The following CFAP74 variants were observed in gnomAD, a reference collection of about 807,000 sequenced individuals.
The protein encoded by CFAP74 is cilia and flagella associated protein 74.
In CFAP74, 124 loss-of-function variants were observed where a neutral mutation model predicts 188.9. The ratio of observed to expected loss-of-function variants is 0.66; its 90% confidence interval spans 0.57 to 0.76. The LOEUF (loss-of-function observed/expected upper bound fraction) is 0.76, where lower values mean the gene tolerates loss of function less well. Among genes scored for constraint, CFAP74 ranks in the 30% least tolerant of loss-of-function variants. CFAP74 has a pLI of 0.00. For missense variants in CFAP74, 2,198 were observed against 2,165.2 expected, an observed-to-expected ratio of 1.02 and a Z score of -0.30; for synonymous variants, 956 against 916.7, an observed-to-expected ratio of 1.04 and a Z score of -0.77.
At position 1,930,015 on chromosome 1, in the gene CFAP74, C is replaced by T. The variant is rs572238331; in HGVS notation, c.3288+45G>A. On this transcript the variant is annotated intron_variant, in intron 26 of 38. Transcript: ENST00000682832. ...ACACCCCAGGGGTAAATGCAGGTGGCGTGGAGCTCCTGCTTCCCAGCCTGC... is the reference window on the plus strand; with the variant it reads ...ACACCCCAGGGGTAAATGCAGGTGGTGTGGAGCTCCTGCTTCCCAGCCTGC... 1.5e-4 allele frequency: 221 copies of T among 1,472,966 alleles called. No individual in the cohort carries two copies. The East Asian group carries it at 2.1e-3, about 14-fold the overall frequency. 91.2% of individuals were successfully genotyped at this position (1,472,966 alleles called of 1,614,324 possible). A position where few individuals can be genotyped will look rare whatever the true frequency, so the allele number is the denominator to read the frequency against.
chr1:1,995,958 C>CA (rs905300502), intron 1 of CFAP74, among the ~76,000 whole-genome samples: 19 of 151,406 alleles, frequency 1.3e-4, no homozygotes, highest in Admixed American at 6.6e-4. Flanking sequence ...CAAGAACAAC[C>CA]AAAAAAAATC....
intron 1 of CFAP74, among the ~76,000 whole-genome samples, chr1:1,994,557 C>G (rs72899758): frequency 0.05 from 7,655 of 152,264 alleles, 658 homozygotes; most frequent in African/African-American, 0.17. Context: ...CTTGAAAGAA[C>G]TGATTAAGCT....
chr1:1,960,140 G>C (rs546684890), intron 14 of CFAP74, 110 bp from the exon 15 acceptor site: 3 of 915,856 alleles, frequency 3.3e-6, no homozygotes, highest in Admixed American at 2.7e-5. Flanking sequence ...TCCCCATCCC[G>C]GGCCTGGCCC....
At chr1:1,927,242 G>T in intron 28 of CFAP74, 1 of 624,116 alleles carries the variant, frequency 1.6e-6, no homozygotes, top group African/African-American at 1.8e-5. Flanking sequence ...GGTGGCTGGA[G>T]GCTAGGGGTT....
At chr1:1,991,010 A>G in intron 1 of CFAP74, 35 bp from the exon 2 acceptor site, 1 of 1,390,664 alleles carries the variant, frequency 7.2e-7, no homozygotes, top group Non-Finnish European at 1.0e-6. Context: ...AGATCAATAA[A>G]ATCATAGATT....
intron 6 of CFAP74, among the ~76,000 whole-genome samples, chr1:1,977,849 G>T (rs1656550183): frequency 6.6e-6 from 1 of 152,204 alleles, no homozygotes; most frequent in Non-Finnish European, 1.5e-5. Flanking sequence ...GTTTGTTGTT[G>T]CTGTTGTTGA....
At position 1,946,320 on chromosome 1, in the gene CFAP74, G is replaced by T. The variant is rs1191865254; in HGVS notation, c.2361C>A (p.Pro787=). 1.3e-6 allele frequency: 2 copies of T among 1,535,358 alleles called. No homozygotes were observed. The highest frequency in any genetic ancestry group is 8.7e-7 in the Non-Finnish European group (1 of 1,146,292). Residue 787 remains proline (P), a synonymous_variant, in exon 20 of 39, where the codon CCC becomes CCA. Coordinates refer to ENST00000682832, the MANE Select transcript of CFAP74 (RefSeq NM_001304360.2). ...GCGTGGCAGCAGGAATACTCACCGT[G>T]GGGCACTGGGGGTTCTTAAACGTGA... The part of the protein sequence containing the change: ...FKVTFKNPQC[P]TLHFRVVGVA...
In CFAP74 at chr1:1,968,767, A is replaced by G. The variant is rs1275067530; in HGVS notation, c.1113T>C (p.Ala371=). 1 of 1,613,820 alleles carries G rather than the reference A, an allele frequency of 6.2e-7. No homozygotes were observed. The highest frequency in any genetic ancestry group is 1.7e-5 in the Admixed American group (1 of 59,974). ...GCTGTTTCTTCCTCTTTTCCTCCTC[A>G]GCCTCCTCTTTCAGAATCCGACTGA... The part of the protein sequence containing the change: ...EIISRILKEE[A]EEEKRKKQHP... Residue 371 remains alanine (A), a synonymous_variant, in exon 11 of 39, where the codon GCT becomes GCC. Transcript: ENST00000682832. The surrounding 1 kb of genome is among the most constrained non-coding windows in gnomAD (Gnocchi z 4.3).
chr1:1,928,024 G>A, intron 27 of CFAP74: 1 of 481,172 alleles, frequency 2.1e-6, no homozygotes, highest in Non-Finnish European at 3.8e-6. Context: ...TCCCCACCCT[G>A]GTGCCTTCCC....
rs372887242 is a variant in CFAP74, at chr1:1,979,098, T to C, written c.501-4900A>G. The stretch of plus-strand genomic sequence containing the variant: ...TGGTACTGAGCTGGGCGTGGGAAGG[T>C]GTCACGTGACAAGGCTGCACAGAAC... On this transcript the variant is annotated intron_variant, in intron 6 of 38. Coordinates refer to ENST00000682832, the MANE Select transcript of CFAP74 (RefSeq NM_001304360.2). Among the ~76,000 whole-genome samples the C allele has an allele frequency of 7.7e-3, 297 of 38,378 alleles. 2 individuals carry two copies. The highest frequency in any genetic ancestry group is 9.3e-3 in the East Asian group (10 of 1,080). The allele number at this position is 38,378 out of a possible 152,430, so 25.2% of individuals were successfully genotyped here. A position where few individuals can be genotyped will look rare whatever the true frequency, so the allele number is the denominator to read the frequency against.
Position 1,963,790 on chromosome 1 carries a change from C to T in CFAP74, c.1653G>A (p.Leu551=), listed in dbSNP as rs775182279. 1 of 1,614,030 alleles carries T rather than the reference C, an allele frequency of 6.2e-7. No individual in the cohort carries two copies. Among genetic ancestry groups the T allele is most frequent in the Non-Finnish European group, 8.5e-7 (1 of 1,179,966 alleles). Residue 551 remains leucine, a synonymous_variant, in exon 14 of 39, where the codon CTG becomes CTA. Transcript: ENST00000682832. The part of the protein sequence containing the change: ...NTTYTINYCK[L]VGVEEHLRDF... ...CCCGGAGGTGCTCCTCCACGCCCAC[C>T]AGCTTGCAGTAGTTGATCGTGTAGG...
intron 18 of CFAP74, chr1:1,953,265 T>C (rs998265165): frequency 7.9e-5 from 12 of 151,306 alleles, no homozygotes; most frequent in African/African-American, 2.7e-4. Flanking sequence ...GAGAACTATA[T>C]AAGCTCATGC....
chr1:1,978,602 C>T (rs1043390219), intron 6 of CFAP74, among the ~76,000 whole-genome samples: 2 of 152,134 alleles, frequency 1.3e-5, no homozygotes, highest in Non-Finnish European at 2.9e-5. Context: ...AGGAGGAACG[C>T]AGGCAGCTTT....
rs1290442273 is a variant in CFAP74 at position 1,926,321 on chromosome 1, G to A, written c.3855C>T (p.Asn1285=). 1.1e-5 allele frequency: 17 copies of A among 1,547,824 alleles called. No homozygotes were observed. The highest frequency in any genetic ancestry group is 1.7e-4 in the Middle Eastern group (1 of 5,992). The change falls in exon 32 of 39, where the codon AAC becomes AAT. Residue 1285 remains asparagine (N), a synonymous_variant. Transcript: ENST00000682832. ...AGTGGTTCAGCAGGACAAAGGGGCCGTTGGGGTTCAGCAGGGAGAAGTCCA... is the reference window on the plus strand; with the variant it reads ...AGTGGTTCAGCAGGACAAAGGGGCCATTGGGGTTCAGCAGGGAGAAGTCCA... ...LALDFSLLNP[N]GPFVLLNHSS... is the part of the protein sequence containing the mutation.
chr1:2,001,060 G>C (rs1658180160), intron 1 of CFAP74, among the ~76,000 whole-genome samples: 1 of 152,008 alleles, frequency 6.6e-6, no homozygotes, highest in Non-Finnish European at 1.5e-5. Context: ...GTGAGGGTAT[G>C]TGGCTGAGGC....
intron 1 of CFAP74, among the ~76,000 whole-genome samples, chr1:1,991,852 G>A (rs7537591): frequency 0.33 from 50,012 of 150,660 alleles, 8,683 homozygotes; most frequent in South Asian, 0.46. Context: ...ATCCTGGCTA[G>A]CACAGTGAAA....
chr1:1,968,967 A>C lies in CFAP74; in HGVS notation c.1047-134T>G. The C allele has an allele frequency of 2.3e-6, 1 of 444,286 alleles. No individual in the cohort carries two copies. Among genetic ancestry groups the C allele is most frequent in the Non-Finnish European group, 3.8e-6 (1 of 264,064 alleles). 27.5% of individuals were successfully genotyped at this position (444,286 alleles called of 1,614,324 possible). On this transcript the variant is annotated intron_variant, in intron 10 of 38. Coordinates refer to ENST00000682832, the MANE Select transcript of CFAP74 (RefSeq NM_001304360.2). The surrounding 1 kb of genome is among the most constrained non-coding windows in gnomAD (Gnocchi z 4.3). ...GTCCTGCCCAGCAGCCCCAGGTGAG[A>C]CAGCGCCTGGCGGCCCCTCCCTAGC...
chr1:1,994,991 C>T (rs188877524), intron 1 of CFAP74, among the ~76,000 whole-genome samples: 2 of 152,192 alleles, frequency 1.3e-5, no homozygotes, highest in African/African-American at 4.8e-5. Flanking sequence ...AGAACAAACC[C>T]GACGTCGCCA....
At chr1:1,939,560 C>A in intron 24 of CFAP74, 34 bp downstream of exon 24, 1 of 1,520,924 alleles carries the variant, frequency 6.6e-7, no homozygotes, top group Non-Finnish European at 8.8e-7. Flanking sequence ...CCCAGCCTCA[C>A]CCCTCTTACC....
Sources: gnomAD v4.1 joint callset for allele counts (sites outside exome capture counted in the v4.1 genomes callset) on GRCh38, gnomAD v4.1.1 for gene constraint, Gnocchi (gnomAD v3.1) non-coding constraint, MANE v1.5 for transcripts, NCBI Gene and HGNC (gene_info 2026-07-23, HGNC 2026-07-21) for gene names.